ERBB4: variants seen among roughly 807,000 people sequenced by gnomAD.
ERBB4 encodes the protein receptor tyrosine-protein kinase erbB-4.
A neutral mutation model predicts 158.0 loss-of-function variants in ERBB4; 42 were observed. The observed-to-expected ratio is 0.27, with a 90% CI of 0.21 to 0.34. The LOEUF is 0.34. Among genes scored for constraint, ERBB4 ranks in the 10% least tolerant of loss-of-function variants. The probability of loss-of-function intolerance (pLI) is 1.00; values close to 1 mark genes in which losing one functional copy is unlikely to be tolerated. For missense variants in ERBB4, 1,333 were observed against 1,624.1 expected, an observed-to-expected ratio of 0.82 and a Z score of 3.08; for synonymous variants, 583 against 558.7, an observed-to-expected ratio of 1.04 and a Z score of -0.61.
intron 3 of ERBB4, among the ~76,000 whole-genome samples, chr2:211,924,717 T>A (rs1255256474): frequency 1.3e-5 from 2 of 152,168 alleles, no homozygotes; most frequent in African/African-American, 4.8e-5. Context: ...TGGTAGTATT[T>A]CTTTGTTCAC....
At chr2:212,417,742 C>A (rs1490984403) in intron 1 of ERBB4, among the ~76,000 whole-genome samples, 1 of 151,958 alleles carries the variant, frequency 6.6e-6, no homozygotes, top group East Asian at 1.9e-4. Flanking sequence ...CAATTAGTAC[C>A]TATGTACTAT....
chr2:212,213,136 C>T (rs553813442), intron 1 of ERBB4, among the ~76,000 whole-genome samples: 11 of 151,754 alleles, frequency 7.2e-5, no homozygotes, highest in Admixed American at 2.6e-4. Context: ...AGGCAACCTA[C>T]GAATAGGAGA....
At chr2:212,493,850 C>A (rs562605317) in intron 1 of ERBB4, among the ~76,000 whole-genome samples, 2 of 151,390 alleles carry the variant, frequency 1.3e-5, no homozygotes, top group Admixed American at 6.6e-5. Flanking sequence ...CTGAATAAGC[C>A]CATTTAACTT....
intron 3 of ERBB4, among the ~76,000 whole-genome samples, chr2:211,814,983 G>A (rs1023148859): frequency 6.6e-6 from 1 of 152,142 alleles, no homozygotes; most frequent in South Asian, 2.1e-4. Context: ...GATTTCCAGG[G>A]ACAGGCTCAG....
At chr2:211,760,932 G>T (rs550675591) in intron 4 of ERBB4, among the ~76,000 whole-genome samples, 12 of 152,188 alleles carry the variant, frequency 7.9e-5, no homozygotes, top group Middle Eastern at 3.4e-3. Flanking sequence ...TGGGTCGGGC[G>T]TGGTGTCTCA....
chr2:211,453,450 T>A (rs958157062), intron 20 of ERBB4, among the ~76,000 whole-genome samples: 1 of 152,204 alleles, frequency 6.6e-6, no homozygotes, highest in South Asian at 2.1e-4. Flanking sequence ...CCTCTTTTTA[T>A]ACTGTAGTAC....
intron 1 of ERBB4, among the ~76,000 whole-genome samples, chr2:212,344,170 T>A (rs1470747656): frequency 1.3e-5 from 2 of 152,206 alleles, no homozygotes; most frequent in African/African-American, 4.8e-5. Context: ...TTAATGTCTC[T>A]AAGCTTAGTG....
At chr2:212,465,351 A>T (rs1688778928) in intron 1 of ERBB4, among the ~76,000 whole-genome samples, 1 of 152,144 alleles carries the variant, frequency 6.6e-6, no homozygotes, top group African/African-American at 2.4e-5. Context: ...GAAGAAGGCA[A>T]ATATGAATAA....
At position 211,534,181 on chromosome 2, in the gene ERBB4, T is replaced by G. The variant is rs112507179; in HGVS notation, c.2487+27722A>C. On this transcript the variant is annotated intron_variant, in intron 20 of 27. Transcript: ENST00000342788. The stretch of plus-strand genomic sequence containing the variant: ...AGTAATTATTTCTTCTTAATTGTTG[T>G]GAAGTAAGTGTACTGGTTGGGTGAC... Among the ~76,000 whole-genome samples the G allele has an allele frequency of 3.3e-5, 5 of 152,220 alleles. No individual in the cohort carries two copies. In the East Asian group the frequency reaches 5.8e-4, roughly 18 times the overall value.
chr2:211,696,362 C>T (rs1044166678), intron 12 of ERBB4, among the ~76,000 whole-genome samples: 2 of 152,092 alleles, frequency 1.3e-5, no homozygotes, highest in African/African-American at 2.4e-5. Context: ...CTGCCCACCT[C>T]GGCCTCCCAA....
chr2:212,530,818 C>T (rs1372853725), intron 1 of ERBB4, among the ~76,000 whole-genome samples: 2 of 152,168 alleles, frequency 1.3e-5, no homozygotes, highest in Non-Finnish European at 2.9e-5. Context: ...AAAGATTTAG[C>T]AGGTGAAACC....
At chr2:211,855,477 A>G (rs2077833349) in intron 3 of ERBB4, among the ~76,000 whole-genome samples, 1 of 152,192 alleles carries the variant, frequency 6.6e-6, no homozygotes, top group Non-Finnish European at 1.5e-5. Flanking sequence ...TACATCCACA[A>G]TCTACCAGTA....
At chr2:212,512,663 T>C (rs865893746) in intron 1 of ERBB4, among the ~76,000 whole-genome samples, 4 of 152,232 alleles carry the variant, frequency 2.6e-5, no homozygotes, top group Non-Finnish European at 1.5e-5. Context: ...TATTTCATTC[T>C]GCATATATCA....
At chr2:212,024,834 G>T (rs912433779) in intron 2 of ERBB4, among the ~76,000 whole-genome samples, 3 of 151,760 alleles carry the variant, frequency 2.0e-5, no homozygotes, top group African/African-American at 4.8e-5. Context: ...TTATATTGGA[G>T]TCTGATGTGA....
At chr2:211,575,857 A>C (rs2067874973) in intron 19 of ERBB4, among the ~76,000 whole-genome samples, 1 of 152,192 alleles carries the variant, frequency 6.6e-6, no homozygotes, top group South Asian at 2.1e-4. Flanking sequence ...CTTCATGCTT[A>C]TGTAGGATAA....
At chr2:212,392,171 T>A (rs1036669096) in intron 1 of ERBB4, among the ~76,000 whole-genome samples, 2 of 151,902 alleles carry the variant, frequency 1.3e-5, no homozygotes, top group Non-Finnish European at 2.9e-5. Flanking sequence ...TCCTAATCCA[T>A]AAGACTACTC....
chr2:211,935,529 C>T (rs2080297449), intron 3 of ERBB4, among the ~76,000 whole-genome samples: 1 of 152,102 alleles, frequency 6.6e-6, no homozygotes. Context: ...ACAGTGGCTC[C>T]CTGCACCCTA....
At chr2:211,509,203 G>A (rs938597913) in intron 20 of ERBB4, among the ~76,000 whole-genome samples, 1 of 152,100 alleles carries the variant, frequency 6.6e-6, no homozygotes, top group South Asian at 2.1e-4. Context: ...GGGACAAGGG[G>A]AGGGAGAGGA....
chr2:212,433,968 G>C (rs1342941381), intron 1 of ERBB4, among the ~76,000 whole-genome samples: 1 of 151,912 alleles, frequency 6.6e-6, no homozygotes, highest in African/African-American at 2.4e-5. Flanking sequence ...ATTTTCCTCT[G>C]TTCAGCTGTT....
Sources: allele counts gnomAD v4.1 joint callset (sites outside exome capture counted in the v4.1 genomes callset), GRCh38; gene constraint gnomAD v4.1.1; transcripts MANE v1.5; gene names NCBI Gene and HGNC (gene_info 2026-07-23, HGNC 2026-07-21).